The following SPAG16 variants were observed in gnomAD, a reference collection of about 807,000 sequenced individuals.
The protein encoded by SPAG16 is sperm-associated antigen 16 protein.
Under a neutral mutation model 80.4 loss-of-function variants are expected in SPAG16, and 86 were observed. The observed-to-expected ratio is 1.07, with a 90% CI of 0.90 to 1.28. The LOEUF is 1.28. Among genes scored for constraint, SPAG16 ranks in the 50% most tolerant of loss-of-function variants. The probability of loss-of-function intolerance (pLI) is 0.00; values close to 1 mark genes in which losing one functional copy is unlikely to be tolerated. For synonymous variants in SPAG16, 294 were observed against 265.9 expected, an observed-to-expected ratio of 1.11 and a Z score of -1.03; for missense variants, 870 against 765.3, an observed-to-expected ratio of 1.14 and a Z score of -1.61.
Position 214,112,165 on chromosome 2 carries a change from G to A in SPAG16, c.1593+3904G>A, listed in dbSNP as rs138061959. ...CTGAGTTCTAGTTTGATTGCACTGT[G>A]GTCTGAGAGACAGTTTGTTGTGATT... On this transcript the variant is annotated intron_variant, in intron 14 of 15. Coordinates refer to ENST00000331683, the MANE Select transcript of SPAG16 (RefSeq NM_024532.5). 7.0e-3 allele frequency among the ~76,000 whole-genome samples: 1,060 copies of A among 152,244 alleles called. 16 individuals are homozygous for A. The highest frequency in any genetic ancestry group is 0.024 in the African/African-American group (992 of 41,524).
chr2:213,486,370 G>A (rs2073972448), intron 9 of SPAG16, among the ~76,000 whole-genome samples: 1 of 151,930 alleles, frequency 6.6e-6, no homozygotes, highest in Non-Finnish European at 1.5e-5. Context: ...TGAAGAGATG[G>A]CTGCATTCTC....
chr2:213,453,847 A>AT (rs1291229449), intron 9 of SPAG16, among the ~76,000 whole-genome samples: 6 of 152,172 alleles, frequency 3.9e-5, no homozygotes, highest in South Asian at 2.1e-4. Context: ...ACATAGGTAG[A>AT]TTTTTTTATG....
intron 15 of SPAG16, among the ~76,000 whole-genome samples, chr2:214,150,007 G>A (rs2055898845): frequency 6.6e-6 from 1 of 151,982 alleles, no homozygotes; most frequent in Non-Finnish European, 1.5e-5. Context: ...TTGCTATTGT[G>A]ATACATGTTT....
chr2:213,683,651 A>C (rs1450003306), intron 10 of SPAG16, among the ~76,000 whole-genome samples: 1 of 152,104 alleles, frequency 6.6e-6, no homozygotes, highest in Non-Finnish European at 1.5e-5. Flanking sequence ...TTCTGTTCTT[A>C]TATATTTTTT....
At chr2:213,402,062 T>G (rs1426001865) in intron 9 of SPAG16, among the ~76,000 whole-genome samples, 1 of 152,098 alleles carries the variant, frequency 6.6e-6, no homozygotes, top group Non-Finnish European at 1.5e-5. Flanking sequence ...AAGACAATGC[T>G]TATTTCAATT....
At chr2:213,701,454 C>T (rs1174815787) in intron 10 of SPAG16, among the ~76,000 whole-genome samples, 1 of 152,144 alleles carries the variant, frequency 6.6e-6, no homozygotes, top group Non-Finnish European at 1.5e-5. Flanking sequence ...TCCACTCTGG[C>T]CACGCTTGAG....
chr2:213,534,272 A>G (rs2076168179), intron 10 of SPAG16, among the ~76,000 whole-genome samples: 1 of 152,004 alleles, frequency 6.6e-6, no homozygotes, highest in Non-Finnish European at 1.5e-5. Flanking sequence ...TTTTTTATAT[A>G]TATACTGTAA....
At chr2:214,401,144 A>G (rs1701683698) in intron 15 of SPAG16, among the ~76,000 whole-genome samples, 1 of 151,962 alleles carries the variant, frequency 6.6e-6, no homozygotes, top group South Asian at 2.1e-4. Context: ...ATTCTGAGTA[A>G]TGACCCTGGT....
chr2:213,284,648 T>C, intron 1 of SPAG16, 29 bp downstream of exon 1: 4 of 1,597,146 alleles, frequency 2.5e-6, no homozygotes, highest in Non-Finnish European at 3.4e-6. Context: ...CGCGGCCCGC[T>C]GCGCTGGCGG....
chr2:213,798,377 G>A (rs935641309), intron 10 of SPAG16, among the ~76,000 whole-genome samples: 3 of 151,780 alleles, frequency 2.0e-5, no homozygotes, highest in Middle Eastern at 3.4e-3. Flanking sequence ...CCTCAGCCTC[G>A]CTAGTAGCTG....
At chr2:213,583,531 T>C (rs2060363495) in intron 10 of SPAG16, among the ~76,000 whole-genome samples, 1 of 152,174 alleles carries the variant, frequency 6.6e-6, no homozygotes. Flanking sequence ...TAATGCTTCA[T>C]ATACTGCTAA....
chr2:214,080,972 G>T (rs1332836329), intron 13 of SPAG16, among the ~76,000 whole-genome samples: 1 of 151,976 alleles, frequency 6.6e-6, no homozygotes, highest in African/African-American at 2.4e-5. Flanking sequence ...ATGTTGATAT[G>T]CCTGATCCAG....
chr2:214,086,318 A>T (rs1295068805), intron 13 of SPAG16, among the ~76,000 whole-genome samples: 1 of 152,146 alleles, frequency 6.6e-6, no homozygotes, highest in Admixed American at 6.5e-5. Context: ...TTTAGTCATG[A>T]TAATTTATTA....
chr2:213,766,314 A>C (rs1429866061), intron 10 of SPAG16, among the ~76,000 whole-genome samples: 1 of 152,228 alleles, frequency 6.6e-6, no homozygotes, highest in Non-Finnish European at 1.5e-5. Flanking sequence ...GGAGTTAGAT[A>C]GTGGTCATGG....
At chr2:214,114,980 A>T (rs2053862263) in intron 14 of SPAG16, among the ~76,000 whole-genome samples, 1 of 152,238 alleles carries the variant, frequency 6.6e-6, no homozygotes, top group Non-Finnish European at 1.5e-5. Flanking sequence ...CACTTTGTTC[A>T]TACCAAAAGG....
chr2:213,611,415 A>G (rs1031808245), intron 10 of SPAG16, among the ~76,000 whole-genome samples: 9 of 152,224 alleles, frequency 5.9e-5, no homozygotes, highest in Admixed American at 4.6e-4. Context: ...ATACCATACT[A>G]TTTGAAAAAA....
intron 10 of SPAG16, among the ~76,000 whole-genome samples, chr2:213,703,422 C>T (rs2065590424): frequency 6.6e-6 from 1 of 152,176 alleles, no homozygotes; most frequent in Non-Finnish European, 1.5e-5. Context: ...AAAGACTTTA[C>T]TAAAATTATG....
chr2:213,723,939 G>T (rs1263148433), intron 10 of SPAG16, among the ~76,000 whole-genome samples: 2 of 152,096 alleles, frequency 1.3e-5, no homozygotes. Context: ...GATTACTTAG[G>T]TAGCTTGCTT....
At chr2:214,214,383 T>C (rs1425507353) in intron 15 of SPAG16, among the ~76,000 whole-genome samples, 2 of 152,262 alleles carry the variant, frequency 1.3e-5, no homozygotes, top group East Asian at 1.9e-4. Flanking sequence ...TTGGCCAGGC[T>C]GGTCTCAAAC....
Sources: allele counts gnomAD v4.1 joint callset (sites outside exome capture counted in the v4.1 genomes callset), GRCh38; gene constraint gnomAD v4.1.1; transcripts MANE v1.5; gene names NCBI Gene and HGNC (gene_info 2026-07-23, HGNC 2026-07-21).